RBP5: variants seen among roughly 807,000 people sequenced by gnomAD.
RBP5 encodes retinol binding protein 5.
In RBP5, 12 loss-of-function variants were observed where a neutral mutation model predicts 17.8. That is an observed-to-expected ratio of 0.67 (90% confidence interval 0.43 to 1.09). The LOEUF is 1.09. Among genes scored for constraint, RBP5 ranks in the 50% least tolerant of loss-of-function variants. The pLI, the probability that RBP5 is intolerant of heterozygous loss-of-function variation, is 0.00. For missense variants in RBP5, 172 were observed against 169.4 expected (o/e 1.02, Z -0.09); for synonymous variants, 64 against 68.1 (o/e 0.94, Z 0.30).
In RBP5 at chr12:7,124,543, G is replaced by T; in HGVS notation, c.354+86C>A. 1 of 762,144 alleles carries T rather than the reference G, an allele frequency of 1.3e-6. No homozygotes were observed. Among genetic ancestry groups the T allele is most frequent in the Non-Finnish European group, 2.3e-6 (1 of 432,638 alleles). 47.2% of individuals were successfully genotyped at this position (762,144 alleles called of 1,614,324 possible). A position where few individuals can be genotyped will look rare whatever the true frequency, so the allele number is the denominator to read the frequency against. ...AGGGATTGGGGCTGGGCTGGGGGAA[G>T]AGTGGTGGACCTATCTGGTTTGGAC... On this transcript the variant is annotated intron_variant, in intron 3 of 3. Coordinates refer to ENST00000266560, the MANE Select transcript of RBP5 (RefSeq NM_031491.4). This position sits in a 1 kb window ranked among gnomAD's most constrained non-coding sequence, Gnocchi z 5.3.
At chr12:7,119,201 TG>T (rs71067155), downstream of RBP5, among the ~76,000 whole-genome samples, 567 of 115,186 alleles carry the variant, frequency 4.9e-3, 4 homozygotes, top group Middle Eastern at 0.014. Flanking sequence ...CTGTGGGGGA[TG>T]GGGGGGGGTC....
chr12:7,126,002 C>T (rs1038290503), intron 2 of RBP5, among the ~76,000 whole-genome samples: 5 of 149,500 alleles, frequency 3.3e-5, no homozygotes, highest in Middle Eastern at 3.4e-3. Flanking sequence ...GAGGCTGAGG[C>T]GGGAGAATCA....
Position 7,128,699 on chromosome 12 carries a change from T to C in RBP5, c.73+4A>G, listed in dbSNP as rs1188659449. 6.3e-7 allele frequency: 1 copy of C among 1,595,626 alleles called. No individual in the cohort carries two copies. The highest frequency in any genetic ancestry group is 1.1e-5 in the South Asian group (1 of 88,166). On this transcript the variant is annotated splice_donor_region_variant and intron_variant, in intron 1 of 3. Transcript: ENST00000266560. The surrounding 1 kb of genome is among the most constrained non-coding windows in gnomAD (Gnocchi z 5.3). Reference sequence around the variant, plus strand: ...ACAGGGGTCTGGGAGGGCGAGGCCATTACTTAGGGCTTGCAGGTAGTCCTC... The same window carrying C: ...ACAGGGGTCTGGGAGGGCGAGGCCACTACTTAGGGCTTGCAGGTAGTCCTC...
Position 7,128,113 on chromosome 12 carries a change from T to C in RBP5, c.252+127A>G, listed in dbSNP as rs1939204934. The C allele has an allele frequency of 2.6e-6, 2 of 777,808 alleles. No homozygotes were observed. The highest frequency in any genetic ancestry group is 2.8e-5 in the Admixed American group (1 of 35,374). The allele number at this position is 777,808 out of a possible 1,614,324, so 48.2% of individuals were successfully genotyped here. ...CTGGTATCCTGGGGACTGCATTCCC[T>C]GCTGTGGTGACCATTCCCCTCCTCC... On this transcript the variant is annotated intron_variant, in intron 2 of 3. Transcript: ENST00000266560. This position sits in a 1 kb window ranked among gnomAD's most constrained non-coding sequence, Gnocchi z 5.3.
At chr12:7,121,273 G>A (rs1466721160), downstream of RBP5, among the ~76,000 whole-genome samples, 3 of 152,140 alleles carry the variant, frequency 2.0e-5, no homozygotes. Flanking sequence ...ATTAGGGTGG[G>A]GGAAAGGTAC....
chr12:7,120,485 T>C (rs1002107623), downstream of RBP5: 1 of 155,616 alleles, frequency 6.4e-6, no homozygotes, highest in African/African-American at 2.4e-5. Flanking sequence ...CTCAGGTCAG[T>C]TATATCACAG....
chr12:7,124,477 C>T lies in RBP5; in HGVS notation c.354+152G>A, dbSNP rs1939126717. On this transcript the variant is annotated intron_variant, in intron 3 of 3. Coordinates refer to ENST00000266560, the MANE Select transcript of RBP5 (RefSeq NM_031491.4). This position sits in a 1 kb window ranked among gnomAD's most constrained non-coding sequence, Gnocchi z 5.3. ...TCTGTTTCTTCCTCTCCCCACTCCT[C>T]CCAGTGCTTTTGCTTTCCCTCCCTG... is the stretch of plus-strand genomic sequence containing the variant. 2 of 632,952 alleles carry T rather than the reference C, an allele frequency of 3.2e-6. No homozygotes were observed. Among genetic ancestry groups the T allele is most frequent in the African/African-American group, 3.7e-5 (2 of 54,732 alleles). The allele number at this position is 632,952 out of a possible 1,614,324, so 39.2% of individuals were successfully genotyped here. A position where few individuals can be genotyped will look rare whatever the true frequency, so the allele number is the denominator to read the frequency against.
chr12:7,117,578 G>A lies in RBP5; in HGVS notation n.890-271C>T, dbSNP rs1939021306. The A allele has an allele frequency of 6.6e-6, 1 of 152,164 alleles. No individual in the cohort carries two copies. Among genetic ancestry groups the A allele is most frequent in the Non-Finnish European group, 1.5e-5 (1 of 68,052 alleles). The allele number at this position is 152,164 out of a possible 1,614,324, so 9.4% of individuals were successfully genotyped here. A position where few individuals can be genotyped will look rare whatever the true frequency, so the allele number is the denominator to read the frequency against. ...CGTTCATCCCACCAAGAGCAGGACTGGACAGATGAAAGCATGGCTTACAGG... is the reference window on the plus strand; with the variant it reads ...CGTTCATCCCACCAAGAGCAGGACTAGACAGATGAAAGCATGGCTTACAGG... On this transcript the variant is annotated intron_variant and non_coding_transcript_variant, in intron 3 of 3. Coordinates refer to the RBP5 transcript ENST00000619522. The surrounding 1 kb of genome is among the most constrained non-coding windows in gnomAD (Gnocchi z 4.9).
At chr12:7,126,439 G>C (rs971416880) in intron 2 of RBP5, among the ~76,000 whole-genome samples, 1 of 151,810 alleles carries the variant, frequency 6.6e-6, no homozygotes, top group African/African-American at 2.4e-5. Flanking sequence ...GTTAGCAGCT[G>C]CTATACTGGG....
chr12:7,125,149 C>T (rs185981290), intron 2 of RBP5, among the ~76,000 whole-genome samples: 3 of 152,246 alleles, frequency 2.0e-5, no homozygotes, highest in African/African-American at 4.8e-5. Flanking sequence ...TCAAGTGATC[C>T]GCCCGCCACC....
intron 2 of RBP5, chr12:7,127,858 G>A: frequency 1.6e-6 from 1 of 618,554 alleles, no homozygotes; most frequent in East Asian, 2.7e-5. Context: ...CTGCAAAGGA[G>A]GCTAAGAAGG....
At chr12:7,127,072 A>G (rs1395688631) in intron 2 of RBP5, among the ~76,000 whole-genome samples, 17 of 145,872 alleles carry the variant, frequency 1.2e-4, no homozygotes, top group Non-Finnish European at 3.0e-5. Flanking sequence ...GGCTCACTGC[A>G]ACCTCTGCCT....
In RBP5 at chr12:7,124,585, G is replaced by T; in HGVS notation, c.354+44C>A. ...GGTTTGGACAAGGGGATGCCTTATA[G>T]CTGGAGGCCCTTCTCCCAGACACCC... On this transcript the variant is annotated intron_variant, in intron 3 of 3. Coordinates refer to ENST00000266560, the MANE Select transcript of RBP5 (RefSeq NM_031491.4). The surrounding 1 kb of genome is among the most constrained non-coding windows in gnomAD (Gnocchi z 5.3). 9.0e-7 allele frequency: 1 copy of T among 1,117,140 alleles called. No individual in the cohort carries two copies. The highest frequency in any genetic ancestry group is 1.4e-6 in the Non-Finnish European group (1 of 731,894). The allele number at this position is 1,117,140 out of a possible 1,614,324, so 69.2% of individuals were successfully genotyped here.
In RBP5 at chr12:7,124,600, C is replaced by T. The variant is rs766446138; in HGVS notation, c.354+29G>A. 7 of 1,330,866 alleles carry T rather than the reference C, an allele frequency of 5.3e-6. No individual in the cohort carries two copies. The Admixed American group carries it at 1.2e-4, about 23-fold the overall frequency. 82.4% of individuals were successfully genotyped at this position (1,330,866 alleles called of 1,614,324 possible). A position where few individuals can be genotyped will look rare whatever the true frequency, so the allele number is the denominator to read the frequency against. Reference sequence around the variant, plus strand: ...ATGCCTTATAGCTGGAGGCCCTTCTCCCAGACACCCAGCCCCCACCCCATT... The same window carrying T: ...ATGCCTTATAGCTGGAGGCCCTTCTTCCAGACACCCAGCCCCCACCCCATT... On this transcript the variant is annotated intron_variant, in intron 3 of 3. Transcript: ENST00000266560. This position sits in a 1 kb window ranked among gnomAD's most constrained non-coding sequence, Gnocchi z 5.3.
In RBP5 at chr12:7,128,010, C is replaced by A. The variant is rs1939203384; in HGVS notation, c.252+230G>T. Among the ~76,000 whole-genome samples, 2 of 152,208 alleles carry A rather than the reference C, an allele frequency of 1.3e-5. No homozygotes were observed. Among genetic ancestry groups the A allele is most frequent in the African/African-American group, 4.8e-5 (2 of 41,438 alleles). ...GGTCTGGGTTGGCCTGTTCTTTGCC[C>A]TTTGGGCTGGTGATAAGAGGGGGCA... On this transcript the variant is annotated intron_variant, in intron 2 of 3. Coordinates refer to ENST00000266560, the MANE Select transcript of RBP5 (RefSeq NM_031491.4). The surrounding 1 kb of genome is among the most constrained non-coding windows in gnomAD (Gnocchi z 5.3).
Position 7,128,803 on chromosome 12 carries a change from C to A in RBP5, c.-28G>T. On this transcript the variant is annotated 5_prime_UTR_variant, in exon 1 of 4. Transcript: ENST00000266560. The surrounding 1 kb of genome is among the most constrained non-coding windows in gnomAD (Gnocchi z 5.3). The stretch of plus-strand genomic sequence containing the variant: ...TGTGGATGAAGGTTTCAGGAGAATG[C>A]AGGAGACAGGGTGAGGAAGGAGGGG... The A allele has an allele frequency of 1.3e-6, 2 of 1,556,310 alleles. No homozygotes were observed. The highest frequency in any genetic ancestry group is 2.3e-5 in the East Asian group (1 of 43,240).
At chr12:7,123,504 C>T (rs1449106658), downstream of RBP5, among the ~76,000 whole-genome samples, 1 of 152,182 alleles carries the variant, frequency 6.6e-6, no homozygotes, top group Non-Finnish European at 1.5e-5. Context: ...AAAGGTCTTA[C>T]CCCATTCCAT....
chr12:7,129,865 T>C (rs948586818), upstream of RBP5: 2 of 966,532 alleles, frequency 2.1e-6, no homozygotes, highest in Non-Finnish European at 2.5e-6. This position sits in a 1 kb window ranked among gnomAD's most constrained non-coding sequence, Gnocchi z 5.5. Flanking sequence ...CTGCCCCTCC[T>C]TGGGTCCCAG....
rs765868185 is a variant in RBP5 at position 7,128,812 on chromosome 12, G to A, written c.-37C>T. The A allele has an allele frequency of 6.6e-7, 1 of 1,511,344 alleles. No individual in the cohort carries two copies. Among genetic ancestry groups the A allele is most frequent in the Non-Finnish European group, 9.1e-7 (1 of 1,104,446 alleles). 93.6% of individuals were successfully genotyped at this position (1,511,344 alleles called of 1,614,324 possible). A position where few individuals can be genotyped will look rare whatever the true frequency, so the allele number is the denominator to read the frequency against. ...AGGTTTCAGGAGAATGCAGGAGACA[G>A]GGTGAGGAAGGAGGGGGTGTTGTCT... On this transcript the variant is annotated 5_prime_UTR_variant, in exon 1 of 4. Coordinates refer to ENST00000266560, the MANE Select transcript of RBP5 (RefSeq NM_031491.4). The surrounding 1 kb of genome is among the most constrained non-coding windows in gnomAD (Gnocchi z 5.3).
Sources: allele counts gnomAD v4.1 joint callset (sites outside exome capture counted in the v4.1 genomes callset), GRCh38; gene constraint gnomAD v4.1.1; non-coding constraint Gnocchi (gnomAD v3.1); transcripts MANE v1.5; gene names NCBI Gene and HGNC (gene_info 2026-07-23, HGNC 2026-07-21).